Variants in FTCDNL1 observed in about 807,000 individuals in gnomAD.
FTCDNL1 encodes the protein formiminotransferase cyclodeaminase N-terminal like.
A neutral mutation model predicts 5.9 loss-of-function variants in FTCDNL1; 11 were observed. That is an observed-to-expected ratio of 1.87 (90% CI 1.18 to 3.10). The LOEUF (loss-of-function observed/expected upper bound fraction) is 3.10, where lower values mean the gene tolerates loss of function less well. Ranked by LOEUF, FTCDNL1 falls within the 30% of genes most tolerant of loss-of-function variation. The pLI, the probability that FTCDNL1 is intolerant of heterozygous loss-of-function variation, is 0.00. For synonymous variants in FTCDNL1, 58 were observed against 24.8 expected, an observed-to-expected ratio of 2.34 and a Z score of -3.99; for missense variants, 115 against 65.5, an observed-to-expected ratio of 1.76 and a Z score of -2.61.
At chr2:199,740,731 CG>C in the FTCDNL1 span, among the ~76,000 whole-genome samples, 1 of 152,124 alleles carries the variant, frequency 6.6e-6, no homozygotes, top group African/African-American at 2.4e-5. Context: ...TAGGAAAACT[CG>C]GAGGGAGGTT....
At chr2:199,802,057 A>G (rs547610682) in intron 3 of FTCDNL1, among the ~76,000 whole-genome samples, 3 of 152,354 alleles carry the variant, frequency 2.0e-5, no homozygotes, top group African/African-American at 4.8e-5. Flanking sequence ...CATGAAGCCA[A>G]TACTAGCTGC....
intron 3 of FTCDNL1, among the ~76,000 whole-genome samples, chr2:199,785,166 G>T (rs1330716232): frequency 6.7e-6 from 1 of 150,102 alleles, no homozygotes; most frequent in African/African-American, 2.5e-5. Flanking sequence ...GTGTTTTCAT[G>T]ATCTCATACA....
chr2:199,692,002 A>T, the FTCDNL1 span, among the ~76,000 whole-genome samples: 2 of 152,248 alleles, frequency 1.3e-5, no homozygotes, highest in Admixed American at 6.5e-5. Context: ...ATATAGCAAC[A>T]CTCATAAGGT....
chr2:199,764,883 C>T (rs1281424837), intron 3 of FTCDNL1, among the ~76,000 whole-genome samples: 2 of 152,148 alleles, frequency 1.3e-5, no homozygotes, highest in Admixed American at 1.3e-4. Context: ...CCCCCTGACC[C>T]AGGCATTCAG....
chr2:199,803,596 C>G (rs1700578668), intron 3 of FTCDNL1, among the ~76,000 whole-genome samples: 1 of 152,196 alleles, frequency 6.6e-6, no homozygotes, highest in Admixed American at 6.5e-5. Context: ...TCCTGAGTAG[C>G]TGGGACTACA....
the FTCDNL1 span, among the ~76,000 whole-genome samples, chr2:199,689,936 G>T: frequency 6.6e-6 from 1 of 151,302 alleles, no homozygotes; most frequent in Non-Finnish European, 1.5e-5. Flanking sequence ...TCCAACAATT[G>T]TTTCTCAATT....
chr2:199,692,386 T>A, the FTCDNL1 span, among the ~76,000 whole-genome samples: 1 of 152,244 alleles, frequency 6.6e-6, no homozygotes, highest in Non-Finnish European at 1.5e-5. Context: ...AATATCACTA[T>A]AACTCATTAG....
chr2:199,716,539 C>CT, the FTCDNL1 span, among the ~76,000 whole-genome samples: 1 of 152,074 alleles, frequency 6.6e-6, no homozygotes, highest in Non-Finnish European at 1.5e-5. Flanking sequence ...TGTTTTATGC[C>CT]TTTTTAACTC....
intron 3 of FTCDNL1, among the ~76,000 whole-genome samples, chr2:199,792,975 T>C (rs752650309): frequency 6.6e-6 from 1 of 152,228 alleles, no homozygotes; most frequent in Non-Finnish European, 1.5e-5. Context: ...TGTATAATTT[T>C]CTGATTTCTA....
At chr2:199,804,452 T>G (rs1700620935), downstream of FTCDNL1, among the ~76,000 whole-genome samples, 1 of 152,252 alleles carries the variant, frequency 6.6e-6, no homozygotes, top group South Asian at 2.1e-4. Context: ...TACATTAGTT[T>G]ACATTTTAAA....
At position 199,812,120 on chromosome 2, in the gene FTCDNL1, A is replaced by G. The variant is rs991411270; in HGVS notation, c.*585T>C. 2.0e-5 allele frequency among the ~76,000 whole-genome samples: 3 copies of G among 152,212 alleles called. No homozygotes were observed. Among genetic ancestry groups the G allele is most frequent in the Admixed American group, 6.5e-5 (1 of 15,282 alleles). On this transcript the variant is annotated 3_prime_UTR_variant, in exon 5 of 5. Transcript: ENST00000420128. ...AATTCTTCTAGTAAGCTTTAGTTACACAATATTTTTGTTTTATTACTATTT... is the reference window on the plus strand; with the variant it reads ...AATTCTTCTAGTAAGCTTTAGTTACGCAATATTTTTGTTTTATTACTATTT...
the FTCDNL1 span, among the ~76,000 whole-genome samples, chr2:199,734,534 A>C: frequency 6.6e-6 from 1 of 152,238 alleles, no homozygotes; most frequent in African/African-American, 2.4e-5. Context: ...AGAGTCAATA[A>C]GTTATCTTTA....
the FTCDNL1 span, among the ~76,000 whole-genome samples, chr2:199,704,289 C>T: frequency 6.6e-6 from 1 of 152,176 alleles, no homozygotes; most frequent in Non-Finnish European, 1.5e-5. Context: ...AGAGAAAATC[C>T]AAATTCCCAA....
intron 3 of FTCDNL1, among the ~76,000 whole-genome samples, chr2:199,765,556 A>ATATATATTTTTTTT: frequency 2.3e-4 from 10 of 42,628 alleles, no homozygotes; most frequent in Non-Finnish European, 4.8e-4. Flanking sequence ...ATATATATAT[A>ATATATATTTTTTTT]TTTTTTTTTT....
At chr2:199,711,327 G>A in the FTCDNL1 span, among the ~76,000 whole-genome samples, 1 of 139,974 alleles carries the variant, frequency 7.1e-6, no homozygotes, top group South Asian at 2.4e-4. Context: ...AGACCCATAT[G>A]TGTAATGACA....
the FTCDNL1 span, among the ~76,000 whole-genome samples, chr2:199,731,736 A>C: frequency 2.0e-5 from 3 of 152,032 alleles, no homozygotes; most frequent in South Asian, 6.2e-4. Context: ...AAAATACAAA[A>C]AATTAGCCGG....
chr2:199,780,379 G>A (rs1373164895), intron 3 of FTCDNL1, among the ~76,000 whole-genome samples: 9 of 152,180 alleles, frequency 5.9e-5, no homozygotes, highest in Admixed American at 3.9e-4. Flanking sequence ...AATGACTCCT[G>A]CTGATGGGAA....
chr2:199,847,410 G>A (rs2076760945), intron 2 of FTCDNL1, among the ~76,000 whole-genome samples: 1 of 152,018 alleles, frequency 6.6e-6, no homozygotes, highest in Non-Finnish European at 1.5e-5. Context: ...TCTAACTCCT[G>A]GAAGAAACGA....
At chr2:199,841,432 G>A (rs2076585640) in intron 3 of FTCDNL1, among the ~76,000 whole-genome samples, 1 of 151,852 alleles carries the variant, frequency 6.6e-6, no homozygotes, top group African/African-American at 2.4e-5. Flanking sequence ...CAAAATATTG[G>A]GGAAAAACCT....
Sources: gnomAD v4.1 joint callset for allele counts (sites outside exome capture counted in the v4.1 genomes callset) on GRCh38, gnomAD v4.1.1 for gene constraint, MANE v1.5 for transcripts, NCBI Gene and HGNC (gene_info 2026-07-23, HGNC 2026-07-21) for gene names.